Variants in HPSE2 observed in about 807,000 individuals in gnomAD.
HPSE2 encodes inactive heparanase-2.
HPSE2 carries 38 observed loss-of-function variants against 60.5 expected under a neutral mutation model. The observed-to-expected ratio is 0.63, with a 90% CI of 0.48 to 0.82. The LOEUF is 0.82. HPSE2 is among the 40% of genes least tolerant of loss of function. The pLI, the probability that HPSE2 is intolerant of heterozygous loss-of-function variation, is 0.00. For missense variants in HPSE2, 713 were observed against 740.4 expected (o/e 0.96, Z 0.43); for synonymous variants, 295 against 293.2 (o/e 1.01, Z -0.06).
chr10:99,103,031 G>A (rs1259328467), intron 3 of HPSE2, among the ~76,000 whole-genome samples: 1 of 152,278 alleles, frequency 6.6e-6, no homozygotes, highest in African/African-American at 2.4e-5. Context: ...ATATCATACT[G>A]AATGGGCAAA....
intron 3 of HPSE2, among the ~76,000 whole-genome samples, chr10:98,757,532 C>A (rs2134375102): frequency 6.6e-6 from 1 of 152,146 alleles, no homozygotes; most frequent in Non-Finnish European, 1.5e-5. Flanking sequence ...TTTCTATACA[C>A]CAACATTGTC....
chr10:99,025,556 T>C (rs886431260), intron 3 of HPSE2, among the ~76,000 whole-genome samples: 1 of 152,162 alleles, frequency 6.6e-6, no homozygotes, highest in Non-Finnish European at 1.5e-5. Flanking sequence ...TGCAGGAACA[T>C]GGATAGAGCT....
chr10:99,145,468 A>G (rs10883281), intron 2 of HPSE2, among the ~76,000 whole-genome samples: 85,826 of 150,798 alleles, frequency 0.57, 28,110 homozygotes, highest in South Asian at 0.8. Context: ...AAAAAAAAAA[A>G]AAGAAGAAGA....
At chr10:98,658,980 TA>T (rs1316550844) in intron 6 of HPSE2, among the ~76,000 whole-genome samples, 1 of 152,048 alleles carries the variant, frequency 6.6e-6, no homozygotes, top group Non-Finnish European at 1.5e-5. Flanking sequence ...AAGTGCAATT[TA>T]GTGACGTTTA....
intron 2 of HPSE2, among the ~76,000 whole-genome samples, chr10:99,226,468 G>C (rs1255353491): frequency 6.6e-6 from 1 of 151,912 alleles, no homozygotes; most frequent in African/African-American, 2.4e-5. Context: ...TTTGACTAAT[G>C]TTTTCTCATG....
At chr10:98,734,283 T>C (rs1344511709) in intron 4 of HPSE2, among the ~76,000 whole-genome samples, 1 of 152,232 alleles carries the variant, frequency 6.6e-6, no homozygotes, top group African/African-American at 2.4e-5. Flanking sequence ...TCCACTTTTT[T>C]TGCTATTAAA....
the HPSE2 span, among the ~76,000 whole-genome samples, chr10:99,304,859 T>C: frequency 2.6e-5 from 4 of 152,268 alleles, no homozygotes; most frequent in East Asian, 7.7e-4. Context: ...AAATAGAAGA[T>C]TTAAGAAGCC....
chr10:98,981,636 T>C (rs1956208548), intron 3 of HPSE2, among the ~76,000 whole-genome samples: 1 of 152,164 alleles, frequency 6.6e-6, no homozygotes, highest in African/African-American at 2.4e-5. Context: ...ATTTAATAAC[T>C]CTATTTCAGA....
At chr10:98,809,595 C>G (rs1951120843) in intron 3 of HPSE2, among the ~76,000 whole-genome samples, 1 of 151,892 alleles carries the variant, frequency 6.6e-6, no homozygotes, top group South Asian at 2.1e-4. Context: ...AACAGCTAAC[C>G]CTGGTAATTA....
At chr10:99,066,465 C>A (rs759020823) in intron 3 of HPSE2, among the ~76,000 whole-genome samples, 3 of 152,052 alleles carry the variant, frequency 2.0e-5, no homozygotes, top group African/African-American at 7.2e-5. Flanking sequence ...AAAACATATC[C>A]GAGACTGGGT....
At chr10:99,178,633 C>A (rs944685016) in intron 2 of HPSE2, among the ~76,000 whole-genome samples, 1 of 152,028 alleles carries the variant, frequency 6.6e-6, no homozygotes. Flanking sequence ...AGTTACTAGC[C>A]TACCAACCAA....
chr10:99,260,034 C>T, the HPSE2 span, among the ~76,000 whole-genome samples: 3 of 152,152 alleles, frequency 2.0e-5, no homozygotes, highest in Non-Finnish European at 4.4e-5. Context: ...GACTGCTGCT[C>T]TAGGAATTGC....
intron 3 of HPSE2, among the ~76,000 whole-genome samples, chr10:98,985,628 T>C (rs1956323735): frequency 1.3e-5 from 2 of 152,204 alleles, no homozygotes; most frequent in Non-Finnish European, 2.9e-5. Context: ...CAGGATCATA[T>C]TCACACATAA....
At chr10:99,052,806 C>T (rs1380592503) in intron 3 of HPSE2, among the ~76,000 whole-genome samples, 2 of 151,922 alleles carry the variant, frequency 1.3e-5, no homozygotes, top group Admixed American at 6.6e-5. Context: ...AATTCTATAG[C>T]TTGGTAAGAT....
At chr10:98,664,973 C>A (rs1384430378) in intron 6 of HPSE2, among the ~76,000 whole-genome samples, 2 of 152,152 alleles carry the variant, frequency 1.3e-5, no homozygotes. Context: ...AAATGACAGA[C>A]ACAGAATTCA....
chr10:99,041,186 C>G (rs556772240), intron 3 of HPSE2, among the ~76,000 whole-genome samples: 2 of 152,090 alleles, frequency 1.3e-5, no homozygotes, highest in Admixed American at 1.3e-4. Context: ...TCCAAGATGG[C>G]TTACTAGAAG....
chr10:98,723,762 A>G (rs1470230707), intron 4 of HPSE2, among the ~76,000 whole-genome samples: 2 of 152,082 alleles, frequency 1.3e-5, no homozygotes, highest in African/African-American at 4.8e-5. Context: ...AGAGGTGTTT[A>G]TAGTATTCTC....
At chr10:98,598,104 G>A (rs1263547306) in intron 9 of HPSE2, among the ~76,000 whole-genome samples, 3 of 142,736 alleles carry the variant, frequency 2.1e-5, no homozygotes, top group Non-Finnish European at 4.5e-5. Context: ...CAAACAACTT[G>A]TCTTATTGTG....
chr10:98,624,865 C>T (rs570675465), intron 7 of HPSE2, among the ~76,000 whole-genome samples: 2 of 152,148 alleles, frequency 1.3e-5, no homozygotes, highest in African/African-American at 2.4e-5. Context: ...AGCAGATAAA[C>T]ATTTATGTGG....
Sources: gnomAD v4.1 joint callset for allele counts (sites outside exome capture counted in the v4.1 genomes callset) on GRCh38, gnomAD v4.1.1 for gene constraint, MANE v1.5 for transcripts, NCBI Gene and HGNC (gene_info 2026-07-23, HGNC 2026-07-21) for gene names.